Variants in EGLN3 observed in about 807,000 individuals in gnomAD.
The protein encoded by EGLN3 is egl-9 family hypoxia inducible factor 3.
Under a neutral mutation model 26.0 loss-of-function variants are expected in EGLN3, and 15 were observed. That is an observed-to-expected ratio of 0.58 (90% confidence interval 0.39 to 0.89). The LOEUF (loss-of-function observed/expected upper bound fraction) is 0.89. EGLN3 is among the 40% of genes least tolerant of loss of function. The probability of loss-of-function intolerance (pLI) is 0.00; values close to 1 mark genes in which losing one functional copy is unlikely to be tolerated. For missense variants in EGLN3, 238 were observed against 311.6 expected, an observed-to-expected ratio of 0.76 and a Z score of 1.78; for synonymous variants, 147 against 127.2, an observed-to-expected ratio of 1.16 and a Z score of -1.05.
chr14:33,946,971 G>T (rs2064522365), intron 1 of EGLN3, among the ~76,000 whole-genome samples: 1 of 151,872 alleles, frequency 6.6e-6, no homozygotes, highest in African/African-American at 2.4e-5. Flanking sequence ...GTTTAAGACT[G>T]TGTTTCTGAA....
chr14:33,934,780 C>T (rs1369288856), intron 1 of EGLN3, among the ~76,000 whole-genome samples: 1 of 152,180 alleles, frequency 6.6e-6, no homozygotes, highest in Non-Finnish European at 1.5e-5. Flanking sequence ...GACAGATTCA[C>T]TAGTATGACT....
rs1168963080 is a variant in EGLN3 at position 33,929,171 on chromosome 14, T to C, written c.519A>G (p.Ser173=). Residue 173 remains serine, a synonymous_variant, in exon 3 of 5, where the codon TCA becomes TCG. Transcript: ENST00000250457. ...GILRIFPEGK[S]FIADVEPIFD... ...AAATGGGCTCCACATCTGCTATGAA[T>C]GATTTCCCCTCTGGAAATATCCGCA... 2.5e-6 allele frequency: 4 copies of C among 1,614,212 alleles called. No homozygotes were observed. Among genetic ancestry groups the C allele is most frequent in the Non-Finnish European group, 1.7e-6 (2 of 1,180,024 alleles).
At chr14:33,949,270 T>A (rs2138830846) in intron 1 of EGLN3, 1 of 152,374 alleles carries the variant, frequency 6.6e-6, no homozygotes, top group South Asian at 2.1e-4. Flanking sequence ...AGAGTGTTCC[T>A]CTCAGCGTAT....
chr14:33,932,756 G>A (rs2064413467), intron 1 of EGLN3, among the ~76,000 whole-genome samples: 1 of 152,134 alleles, frequency 6.6e-6, no homozygotes, highest in Non-Finnish European at 1.5e-5. Flanking sequence ...GAAACTGTGA[G>A]GCGACGTCAG....
At chr14:33,934,985 C>T (rs1435304336) in intron 1 of EGLN3, among the ~76,000 whole-genome samples, 1 of 152,218 alleles carries the variant, frequency 6.6e-6, no homozygotes, top group Non-Finnish European at 1.5e-5. Flanking sequence ...GATCTACCGA[C>T]AAATGCTAGA....
chr14:33,929,350 C>A lies in EGLN3; in HGVS notation c.478-138G>T. 6 of 1,096,370 alleles carry A rather than the reference C, an allele frequency of 5.5e-6. No individual in the cohort carries two copies. In the South Asian group the frequency reaches 8.0e-5, roughly 15 times the overall value. 67.9% of individuals were successfully genotyped at this position (1,096,370 alleles called of 1,614,324 possible). A position where few individuals can be genotyped will look rare whatever the true frequency, so the allele number is the denominator to read the frequency against. ...TGGTACCCCAGATTTTTACTTCAAC[C>A]TCATAGTTTGTACCAATTTGAGATG... On this transcript the variant is annotated intron_variant, in intron 2 of 4. Coordinates refer to ENST00000250457, the MANE Select transcript of EGLN3 (RefSeq NM_022073.4).
intron 1 of EGLN3, among the ~76,000 whole-genome samples, chr14:33,938,832 T>A (rs1184343631): frequency 1.3e-5 from 2 of 152,202 alleles, no homozygotes; most frequent in Non-Finnish European, 2.9e-5. Context: ...GTGCCCTGAG[T>A]CACACCGCTC....
At chr14:33,944,474 G>C (rs952687526) in intron 1 of EGLN3, among the ~76,000 whole-genome samples, 1 of 152,108 alleles carries the variant, frequency 6.6e-6, no homozygotes, top group Non-Finnish European at 1.5e-5. Flanking sequence ...ATCTGCTCAA[G>C]ATATCATCTC....
intron 1 of EGLN3, among the ~76,000 whole-genome samples, chr14:33,941,872 A>G (rs1415607772): frequency 6.6e-6 from 1 of 152,194 alleles, no homozygotes; most frequent in Non-Finnish European, 1.5e-5. Context: ...TGAGTGGAAG[A>G]CAATGGGGAA....
chr14:33,944,767 A>T lies in EGLN3; in HGVS notation c.357+5629T>A, dbSNP rs189115808. Among the ~76,000 whole-genome samples, 159 of 152,356 alleles carry T rather than the reference A, an allele frequency of 1.0e-3. 1 individual carries two copies. The highest frequency in any genetic ancestry group is 3.7e-3 in the African/African-American group (154 of 41,586). On this transcript the variant is annotated intron_variant, in intron 1 of 4. Transcript: ENST00000250457. Reference sequence around the variant, plus strand: ...AGCTTAGTTCTTCAGGTGGTTTTGTAATCACTGGGCACTTCCCTTCCCCAT... The same window carrying T: ...AGCTTAGTTCTTCAGGTGGTTTTGTTATCACTGGGCACTTCCCTTCCCCAT...
At chr14:33,945,412 G>A (rs1355214514) in intron 1 of EGLN3, among the ~76,000 whole-genome samples, 1 of 152,166 alleles carries the variant, frequency 6.6e-6, no homozygotes, top group African/African-American at 2.4e-5. Context: ...CCAGACTACG[G>A]CTGATAGATC....
At chr14:33,928,422 A>T (rs2064377699) in intron 3 of EGLN3, among the ~76,000 whole-genome samples, 1 of 152,178 alleles carries the variant, frequency 6.6e-6, no homozygotes, top group South Asian at 2.1e-4. Flanking sequence ...GACAAAGGTA[A>T]ATGAGAGGCA....
intron 1 of EGLN3, among the ~76,000 whole-genome samples, chr14:33,939,170 C>A (rs1364029705): frequency 2.0e-5 from 3 of 151,736 alleles, no homozygotes; most frequent in Non-Finnish European, 4.4e-5. Flanking sequence ...ACGAAGTTAC[C>A]AATCAAAATG....
chr14:33,942,531 G>A (rs1467098779), intron 1 of EGLN3, among the ~76,000 whole-genome samples: 1 of 152,056 alleles, frequency 6.6e-6, no homozygotes. Flanking sequence ...ATAAATAAAA[G>A]GGTCCCAAAC....
At chr14:33,946,515 C>T (rs547088350) in intron 1 of EGLN3, among the ~76,000 whole-genome samples, 104 of 152,086 alleles carry the variant, frequency 6.8e-4, no homozygotes, top group Non-Finnish European at 1.3e-3. Flanking sequence ...TGAATGAGAC[C>T]ATCCTACAAT....
chr14:33,937,834 A>T (rs533394410), intron 1 of EGLN3, among the ~76,000 whole-genome samples: 4 of 152,174 alleles, frequency 2.6e-5, no homozygotes, highest in Non-Finnish European at 5.9e-5. Context: ...AAACTTCAGA[A>T]CTTCTGAAAA....
At chr14:33,943,651 T>C (rs896601002) in intron 1 of EGLN3, among the ~76,000 whole-genome samples, 3 of 152,234 alleles carry the variant, frequency 2.0e-5, no homozygotes, top group Non-Finnish European at 4.4e-5. Context: ...AAACCAAACA[T>C]GGCCCACAGG....
chr14:33,930,422 G>T (rs1033352167), intron 2 of EGLN3, among the ~76,000 whole-genome samples: 1 of 152,180 alleles, frequency 6.6e-6, no homozygotes, highest in Non-Finnish European at 1.5e-5. Flanking sequence ...GATGCAGAAG[G>T]TTCAAAAGCC....
intron 3 of EGLN3, 23 bp from the exon 4 acceptor site, chr14:33,927,056 A>C: frequency 6.4e-7 from 1 of 1,553,590 alleles, no homozygotes; most frequent in Non-Finnish European, 8.7e-7. Flanking sequence ...AGCAGATATA[A>C]GGAAAGAGAT....
Sources: allele counts gnomAD v4.1 joint callset (sites outside exome capture counted in the v4.1 genomes callset), GRCh38; gene constraint gnomAD v4.1.1; transcripts MANE v1.5; gene names NCBI Gene and HGNC (gene_info 2026-07-23, HGNC 2026-07-21).